ZNF536: variants seen among roughly 807,000 people sequenced by gnomAD.
ZNF536 encodes the protein zinc finger protein 536.
Under a neutral mutation model 84.5 loss-of-function variants are expected in ZNF536, and 13 were observed. The ratio of observed to expected loss-of-function variants is 0.15; its 90% CI spans 0.10 to 0.24. The LOEUF is 0.24. ZNF536 is among the 10% of genes least tolerant of loss of function. The pLI is 1.00. For synonymous variants in ZNF536, 811 were observed against 742.5 expected (o/e 1.09, Z -1.50); for missense variants, 1,536 against 1,747.5 (o/e 0.88, Z 2.16).
chr19:30,631,038 T>C (rs2048868749), intron 1 of ZNF536, among the ~76,000 whole-genome samples: 1 of 152,106 alleles, frequency 6.6e-6, no homozygotes, highest in South Asian at 2.1e-4. Context: ...AAGGCTCCCC[T>C]GGCATCAGAG....
intron 1 of ZNF536, among the ~76,000 whole-genome samples, chr19:30,684,499 A>C (rs1453304705): frequency 1.3e-5 from 2 of 152,174 alleles, no homozygotes; most frequent in African/African-American, 4.8e-5. Flanking sequence ...CCATGGATTC[A>C]CGGTCCAGGT....
chr19:30,650,092 T>C (rs2049640810), intron 1 of ZNF536, among the ~76,000 whole-genome samples: 1 of 152,154 alleles, frequency 6.6e-6, no homozygotes, highest in Admixed American at 6.5e-5. Flanking sequence ...CATTACTGAG[T>C]TCGAATGGGC....
chr19:30,600,059 G>GCTA (rs1209269068), intron 1 of ZNF536, among the ~76,000 whole-genome samples: 159 of 150,526 alleles, frequency 1.1e-3, no homozygotes, highest in African/African-American at 3.6e-3. Context: ...TTTTTTTGTT[G>GCTA]TTGTTGTTGT....
intron 1 of ZNF536, among the ~76,000 whole-genome samples, chr19:30,576,654 C>T (rs1360951289): frequency 1.3e-5 from 2 of 152,232 alleles, no homozygotes; most frequent in Non-Finnish European, 2.9e-5. Flanking sequence ...ATCCATACCC[C>T]CTGCCTCACT....
intron 1 of ZNF536, among the ~76,000 whole-genome samples, chr19:30,431,497 G>A (rs2051457396): frequency 6.6e-6 from 1 of 152,164 alleles, no homozygotes; most frequent in South Asian, 2.1e-4. Flanking sequence ...GTGCCCCTGT[G>A]GACGAATCTC....
At chr19:30,581,042 A>C (rs2046902783) in intron 1 of ZNF536, among the ~76,000 whole-genome samples, 2 of 152,196 alleles carry the variant, frequency 1.3e-5, no homozygotes, top group African/African-American at 2.4e-5. Flanking sequence ...TGCTTTAGAA[A>C]CTCCAAAATC....
intron 2 of ZNF536, among the ~76,000 whole-genome samples, chr19:30,533,867 G>T (rs1255771914): frequency 6.6e-6 from 1 of 152,232 alleles, no homozygotes; most frequent in African/African-American, 2.4e-5. Context: ...GATTCTGGAA[G>T]AAAAGTGAGC....
chr19:30,648,399 T>C (rs973206200), intron 1 of ZNF536, among the ~76,000 whole-genome samples: 1 of 152,118 alleles, frequency 6.6e-6, no homozygotes, highest in African/African-American at 2.4e-5. Flanking sequence ...CCAAATCCTT[T>C]CTGCAAACCC....
At chr19:30,667,335 G>T (rs1016600639) in intron 1 of ZNF536, among the ~76,000 whole-genome samples, 3 of 152,228 alleles carry the variant, frequency 2.0e-5, no homozygotes, top group Non-Finnish European at 4.4e-5. Flanking sequence ...ACACAGGCTT[G>T]CCTGGTGGAA....
At chr19:30,532,206 C>G (rs145386450) in intron 2 of ZNF536, among the ~76,000 whole-genome samples, 3 of 151,900 alleles carry the variant, frequency 2.0e-5, no homozygotes, top group African/African-American at 7.3e-5. Context: ...CTCAGCTCAC[C>G]GCAACCTCCA....
intron 2 of ZNF536, among the ~76,000 whole-genome samples, chr19:30,446,509 T>C (rs1238973741): frequency 6.6e-6 from 1 of 151,972 alleles, no homozygotes; most frequent in East Asian, 1.9e-4. Context: ...CGTATTCCCA[T>C]AATTCTCTCA....
intron 2 of ZNF536, among the ~76,000 whole-genome samples, chr19:30,509,636 T>C (rs2055328719): frequency 6.6e-6 from 1 of 151,944 alleles, no homozygotes; most frequent in African/African-American, 2.4e-5. Context: ...AGCAAATTAT[T>C]ATATCCATCA....
At chr19:30,309,937 G>A (rs1282106954) in intron 2 of ZNF536, among the ~76,000 whole-genome samples, 1 of 152,042 alleles carries the variant, frequency 6.6e-6, no homozygotes, top group Non-Finnish European at 1.5e-5. Context: ...CCTTTCAGAT[G>A]AGAAAAGTGG....
At chr19:30,255,168 C>CT (rs1288759299) in intron 1 of ZNF536, among the ~76,000 whole-genome samples, 13 of 152,228 alleles carry the variant, frequency 8.5e-5, no homozygotes, top group Middle Eastern at 3.4e-3. Flanking sequence ...TATTCCCCCC[C>CT]TTTTTTTCAT....
chr19:30,458,823 C>T (rs2052995902), intron 2 of ZNF536, among the ~76,000 whole-genome samples: 1 of 152,128 alleles, frequency 6.6e-6, no homozygotes, highest in Non-Finnish European at 1.5e-5. Context: ...TGGTGAGGGG[C>T]TGGGGAGACT....
intron 1 of ZNF536, among the ~76,000 whole-genome samples, chr19:30,443,310 G>C (rs1478354470): frequency 6.6e-6 from 1 of 152,154 alleles, no homozygotes; most frequent in African/African-American, 2.4e-5. Flanking sequence ...AAAGGTGAAT[G>C]AATAATTGCA....
At chr19:30,390,189 GAGAGA>G (rs1014249514) in intron 1 of ZNF536, among the ~76,000 whole-genome samples, 2 of 152,244 alleles carry the variant, frequency 1.3e-5, no homozygotes, top group East Asian at 1.9e-4. Context: ...GTGTTGAGTA[GAGAGA>G]AGAGAAGAGA....
intron 1 of ZNF536, among the ~76,000 whole-genome samples, chr19:30,673,996 C>T (rs986950851): frequency 6.6e-6 from 1 of 152,188 alleles, no homozygotes; most frequent in African/African-American, 2.4e-5. Flanking sequence ...GTCAATAATT[C>T]CCCATTTGAA....
intron 1 of ZNF536, among the ~76,000 whole-genome samples, chr19:30,573,165 G>C (rs925225596): frequency 6.6e-6 from 1 of 152,170 alleles, no homozygotes; most frequent in Non-Finnish European, 1.5e-5. Context: ...GATTTCCAAG[G>C]TTTTTCCAGA....
Sources: allele counts gnomAD v4.1 joint callset (sites outside exome capture counted in the v4.1 genomes callset), GRCh38; gene constraint gnomAD v4.1.1; transcripts MANE v1.5; gene names NCBI Gene and HGNC (gene_info 2026-07-23, HGNC 2026-07-21).